The following GRIK1 variants were observed in gnomAD, a reference collection of about 807,000 sequenced individuals.
GRIK1 encodes glutamate receptor ionotropic, kainate 1.
A neutral mutation model predicts 105.7 loss-of-function variants in GRIK1; 69 were observed. That is an observed-to-expected ratio of 0.65 (90% CI 0.54 to 0.80). GRIK1 has a LOEUF of 0.80. Ranked by LOEUF, GRIK1 falls within the 30% of genes least tolerant of loss-of-function variation. The probability of loss-of-function intolerance (pLI) is 0.00; values close to 1 mark genes in which losing one functional copy is unlikely to be tolerated. For synonymous variants in GRIK1, 438 were observed against 431.3 expected, an observed-to-expected ratio of 1.02 and a Z score of -0.19; for missense variants, 1,109 against 1,167.3, an observed-to-expected ratio of 0.95 and a Z score of 0.73.
intron 7 of GRIK1, among the ~76,000 whole-genome samples, chr21:29,610,546 C>T (rs941084654): frequency 6.6e-6 from 1 of 152,066 alleles, no homozygotes; most frequent in Non-Finnish European, 1.5e-5. Flanking sequence ...GGAAAGGGTC[C>T]ATAAGCCAAG....
chr21:29,580,004 T>C (rs2090983183), intron 13 of GRIK1, among the ~76,000 whole-genome samples: 1 of 146,502 alleles, frequency 6.8e-6, no homozygotes, highest in Admixed American at 6.9e-5. Context: ...TATGTATATA[T>C]ATGTATATAT....
intron 9 of GRIK1, among the ~76,000 whole-genome samples, chr21:29,591,777 C>T (rs1056482973): frequency 7.2e-5 from 11 of 152,034 alleles, no homozygotes; most frequent in South Asian, 2.1e-4. Flanking sequence ...AGTGGGGTGC[C>T]GAGACTCATG....
intron 1 of GRIK1, among the ~76,000 whole-genome samples, chr21:29,884,862 C>G (rs2069552404): frequency 6.6e-6 from 1 of 152,032 alleles, no homozygotes; most frequent in Non-Finnish European, 1.5e-5. Context: ...GAATCTTCAA[C>G]AGACATCCAG....
chr21:29,764,835 G>T (rs553482794), intron 1 of GRIK1, among the ~76,000 whole-genome samples: 1 of 152,070 alleles, frequency 6.6e-6, no homozygotes, highest in Non-Finnish European at 1.5e-5. Flanking sequence ...TATTATAAAC[G>T]TGAATAAACT....
At chr21:29,553,535 T>C in intron 16 of GRIK1, 1 of 1,484,782 alleles carries the variant, frequency 6.7e-7, no homozygotes, top group Non-Finnish European at 9.0e-7. Flanking sequence ...GGCACATCTT[T>C]TTTTTTTTTT....
chr21:29,741,937 A>T (rs1162545723), intron 1 of GRIK1, among the ~76,000 whole-genome samples: 1 of 152,216 alleles, frequency 6.6e-6, no homozygotes, highest in East Asian at 1.9e-4. Flanking sequence ...GAGAGAAGGA[A>T]ACAGAGTCCT....
intron 15 of GRIK1, among the ~76,000 whole-genome samples, chr21:29,559,536 T>C (rs2090341639): frequency 6.6e-6 from 1 of 152,214 alleles, no homozygotes; most frequent in African/African-American, 2.4e-5. Flanking sequence ...GTAAATCTTC[T>C]AGCCCAATCA....
intron 6 of GRIK1, among the ~76,000 whole-genome samples, chr21:29,646,467 A>G (rs1473321522): frequency 2.0e-5 from 3 of 151,432 alleles, no homozygotes; most frequent in African/African-American, 7.2e-5. Flanking sequence ...TAAATCTGTC[A>G]TTGTGAGTAT....
chr21:29,766,126 G>A (rs146514834), intron 1 of GRIK1, among the ~76,000 whole-genome samples: 2,154 of 152,236 alleles, frequency 0.014, 61 homozygotes, highest in African/African-American at 0.048. Flanking sequence ...TGGGATTACA[G>A]GCATGAGCCA....
At chr21:29,926,473 G>T (rs1226263252) in intron 1 of GRIK1, among the ~76,000 whole-genome samples, 1 of 152,132 alleles carries the variant, frequency 6.6e-6, no homozygotes, top group Non-Finnish European at 1.5e-5. Flanking sequence ...CTGAGAAGAA[G>T]GTTAAGAATT....
chr21:29,927,336 G>T (rs929203783), intron 1 of GRIK1, among the ~76,000 whole-genome samples: 3 of 149,970 alleles, frequency 2.0e-5, no homozygotes, highest in Non-Finnish European at 4.4e-5. Flanking sequence ...ATAAACTAAA[G>T]GATAATTATA....
chr21:29,732,220 A>T (rs2064649427), intron 1 of GRIK1, among the ~76,000 whole-genome samples: 1 of 152,152 alleles, frequency 6.6e-6, no homozygotes, highest in East Asian at 1.9e-4. Flanking sequence ...TCTCTTCCAG[A>T]TGTGAAGAAT....
intron 1 of GRIK1, among the ~76,000 whole-genome samples, chr21:29,937,716 A>G (rs1602097643): frequency 6.6e-6 from 1 of 152,228 alleles, no homozygotes; most frequent in African/African-American, 2.4e-5. Context: ...GGTAAAAGAC[A>G]CAAGCAAAAC....
chr21:29,755,588 A>G (rs1251564438), intron 1 of GRIK1, among the ~76,000 whole-genome samples: 3 of 152,214 alleles, frequency 2.0e-5, no homozygotes, highest in Non-Finnish European at 4.4e-5. Flanking sequence ...GAGAGTCAAT[A>G]GAGTGGAAGC....
intron 1 of GRIK1, among the ~76,000 whole-genome samples, chr21:29,756,306 G>C (rs1031143544): frequency 6.6e-6 from 1 of 152,152 alleles, no homozygotes; most frequent in Non-Finnish European, 1.5e-5. Flanking sequence ...GCGTGAACCG[G>C]GGAGGCAGAG....
At chr21:29,830,340 C>T (rs868130264) in intron 1 of GRIK1, among the ~76,000 whole-genome samples, 4 of 138,140 alleles carry the variant, frequency 2.9e-5, no homozygotes, top group African/African-American at 5.4e-5. Context: ...CACACACACA[C>T]ACACACACAC....
chr21:29,585,701 G>T (rs2091116520), intron 12 of GRIK1, among the ~76,000 whole-genome samples: 1 of 152,136 alleles, frequency 6.6e-6, no homozygotes, highest in Non-Finnish European at 1.5e-5. Context: ...GTAAACACAA[G>T]ATTACTTATT....
At chr21:29,927,973 A>C (rs2071442094) in intron 1 of GRIK1, among the ~76,000 whole-genome samples, 1 of 152,196 alleles carries the variant, frequency 6.6e-6, no homozygotes, top group African/African-American at 2.4e-5. Context: ...CGACATAGAG[A>C]GAAAGAGACA....
chr21:29,589,699 C>T (rs186572437), intron 10 of GRIK1, among the ~76,000 whole-genome samples: 4 of 152,220 alleles, frequency 2.6e-5, no homozygotes, highest in African/African-American at 9.6e-5. Context: ...GCTGGGACTA[C>T]CGGTGTGAGC....
Sources: gnomAD v4.1 joint callset for allele counts (sites outside exome capture counted in the v4.1 genomes callset) on GRCh38, gnomAD v4.1.1 for gene constraint, MANE v1.5 for transcripts, NCBI Gene and HGNC (gene_info 2026-07-23, HGNC 2026-07-21) for gene names.